Variants in SLC16A10 observed in about 807,000 individuals in gnomAD.
SLC16A10 encodes monocarboxylate transporter 10.
In SLC16A10, 27 loss-of-function variants were observed where a neutral mutation model predicts 40.0. The observed-to-expected ratio is 0.67, with a 90% CI of 0.50 to 0.93. The LOEUF (loss-of-function observed/expected upper bound fraction) is 0.93. Ranked by LOEUF, SLC16A10 falls within the 40% of genes least tolerant of loss-of-function variation. The pLI is 0.00. For missense variants in SLC16A10, 529 were observed against 658.2 expected (o/e 0.80, Z 2.15); for synonymous variants, 213 against 249.8 (o/e 0.85, Z 1.39).
chr6:111,196,627 G>A (rs1044293628), intron 3 of SLC16A10, among the ~76,000 whole-genome samples: 5 of 152,098 alleles, frequency 3.3e-5, no homozygotes, highest in Admixed American at 1.3e-4. Flanking sequence ...TGGGTAACAT[G>A]GCAAGACCAC....
chr6:111,178,728 C>T (rs1772737211), intron 3 of SLC16A10: 3 of 203,592 alleles, frequency 1.5e-5, no homozygotes, highest in South Asian at 7.8e-5. Flanking sequence ...TGTTTGTGAA[C>T]TTGGATTTTT....
chr6:111,113,862 A>G (rs970655813), intron 1 of SLC16A10, among the ~76,000 whole-genome samples: 12 of 152,160 alleles, frequency 7.9e-5, no homozygotes, highest in Non-Finnish European at 1.2e-4. Context: ...TTTTCAGCCA[A>G]CCTTGAGTGA....
intron 2 of SLC16A10, among the ~76,000 whole-genome samples, chr6:111,176,711 T>C (rs1413707435): frequency 1.3e-5 from 2 of 152,214 alleles, no homozygotes; most frequent in African/African-American, 4.8e-5. Flanking sequence ...GGAAAAAATA[T>C]AAAATGCGGC....
intron 1 of SLC16A10, among the ~76,000 whole-genome samples, chr6:111,156,095 A>G (rs1772264927): frequency 6.6e-6 from 1 of 152,254 alleles, no homozygotes; most frequent in Non-Finnish European, 1.5e-5. Flanking sequence ...TAGCCAACAA[A>G]ATGAAGAAGT....
At chr6:111,184,393 T>C (rs1368711547) in intron 3 of SLC16A10, among the ~76,000 whole-genome samples, 6 of 152,158 alleles carry the variant, frequency 3.9e-5, no homozygotes, top group Non-Finnish European at 4.4e-5. Flanking sequence ...GAAGATCCCA[T>C]TTACCTGATG....
chr6:111,128,665 T>A (rs1017705805), intron 1 of SLC16A10, among the ~76,000 whole-genome samples: 4 of 152,134 alleles, frequency 2.6e-5, no homozygotes, highest in Non-Finnish European at 4.4e-5. Flanking sequence ...AACGAATACC[T>A]CTGTATTCAA....
At chr6:111,180,238 C>T (rs1241179779) in intron 3 of SLC16A10, among the ~76,000 whole-genome samples, 1 of 152,092 alleles carries the variant, frequency 6.6e-6, no homozygotes, top group Non-Finnish European at 1.5e-5. Context: ...AGACTAAGGC[C>T]CGGAAAGATT....
At chr6:111,124,572 A>G (rs1562404492) in intron 1 of SLC16A10, among the ~76,000 whole-genome samples, 1 of 152,186 alleles carries the variant, frequency 6.6e-6, no homozygotes, top group Non-Finnish European at 1.5e-5. Flanking sequence ...CATGTTGCCC[A>G]GGATAGTCTC....
chr6:111,185,389 G>C (rs1010614457), intron 3 of SLC16A10, among the ~76,000 whole-genome samples: 9 of 152,166 alleles, frequency 5.9e-5, no homozygotes, highest in African/African-American at 2.2e-4. Context: ...TGTTCTCTCA[G>C]AACGAAGAAC....
intron 1 of SLC16A10, among the ~76,000 whole-genome samples, chr6:111,162,085 A>G (rs1772381744): frequency 6.6e-6 from 1 of 152,256 alleles, no homozygotes; most frequent in Non-Finnish European, 1.5e-5. Context: ...AAAGTGTATG[A>G]TAAATTTTGA....
At chr6:111,103,602 A>T (rs1365175070) in intron 1 of SLC16A10, among the ~76,000 whole-genome samples, 1 of 152,162 alleles carries the variant, frequency 6.6e-6, no homozygotes, top group East Asian at 1.9e-4. Context: ...TTGAGAGGTC[A>T]TGAGGGGAAA....
At chr6:111,202,551 G>A (rs1773185057) in intron 3 of SLC16A10, among the ~76,000 whole-genome samples, 1 of 152,048 alleles carries the variant, frequency 6.6e-6, no homozygotes, top group Non-Finnish European at 1.5e-5. Context: ...TCCCCTGGAA[G>A]TGTGCAACCC....
At chr6:111,178,404 A>G in intron 3 of SLC16A10, 1 of 533,038 alleles carries the variant, frequency 1.9e-6, no homozygotes. Context: ...TTTCAAAGGC[A>G]AAATTCAGCT....
chr6:111,121,921 A>T lies in SLC16A10; in HGVS notation c.343+33826A>T, dbSNP rs144493129. On this transcript the variant is annotated intron_variant, in intron 1 of 5. Coordinates refer to ENST00000368851, the MANE Select transcript of SLC16A10 (RefSeq NM_018593.5). ...TAGGGGTCTGGGTTTGGCTCATGAG[A>T]GGTACATCCTTCCCACCTCCCCAGG... Among the ~76,000 whole-genome samples the T allele has an allele frequency of 3.2e-4, 48 of 152,248 alleles. 1 individual carries two copies. The highest frequency in any genetic ancestry group is 1.1e-3 in the African/African-American group (47 of 41,540).
At chr6:111,094,330 A>G (rs1178913333) in intron 1 of SLC16A10, among the ~76,000 whole-genome samples, 1 of 152,194 alleles carries the variant, frequency 6.6e-6, no homozygotes, top group Non-Finnish European at 1.5e-5. Flanking sequence ...ATTTGGGTAC[A>G]CAGGTACATC....
Position 111,222,004 on chromosome 6 carries a change from G to A in SLC16A10, c.1317G>A (p.Gly439=), listed in dbSNP as rs1250815551. Residue 439 remains glycine, a splice_region_variant and synonymous_variant, in exon 6 of 6, where the codon GGG becomes GGA. Transcript: ENST00000368851. ...GGTGACAGCTTTTTCCCTTCTCAGG[G>A]TTACTTCGTGACAAACTGGGCTCCT... ...IPMTVGPPIA[G]LLRDKLGSYD... is the part of the protein sequence containing the mutation. The A allele has an allele frequency of 6.2e-7, 1 of 1,601,814 alleles. No individual in the cohort carries two copies. Among genetic ancestry groups the A allele is most frequent in the Non-Finnish European group, 8.5e-7 (1 of 1,176,766 alleles).
chr6:111,217,883 A>G (rs1444153021), intron 4 of SLC16A10, among the ~76,000 whole-genome samples: 1 of 152,170 alleles, frequency 6.6e-6, no homozygotes, highest in African/African-American at 2.4e-5. Flanking sequence ...GCACTTATTT[A>G]TTTAAATGTC....
chr6:111,180,659 G>A (rs1772773474), intron 3 of SLC16A10, among the ~76,000 whole-genome samples: 1 of 152,062 alleles, frequency 6.6e-6, no homozygotes, highest in African/African-American at 2.4e-5. Flanking sequence ...AAGAAATAAA[G>A]AGCCAGATGT....
intron 1 of SLC16A10, among the ~76,000 whole-genome samples, chr6:111,117,988 C>T (rs1771519327): frequency 6.6e-6 from 1 of 152,184 alleles, no homozygotes; most frequent in Non-Finnish European, 1.5e-5. Context: ...AAGGATAGGA[C>T]ATTGGACTTG....
Sources: allele counts gnomAD v4.1 joint callset (sites outside exome capture counted in the v4.1 genomes callset), GRCh38; gene constraint gnomAD v4.1.1; transcripts MANE v1.5; gene names NCBI Gene and HGNC (gene_info 2026-07-23, HGNC 2026-07-21).